The following PDHX variants were observed in gnomAD, a reference collection of about 807,000 sequenced individuals.
PDHX encodes the protein pyruvate dehydrogenase protein X component, mitochondrial.
PDHX carries 33 observed loss-of-function variants against 55.3 expected under a neutral mutation model. That is an observed-to-expected ratio of 0.60 (90% CI 0.45 to 0.80). The LOEUF is 0.80. Ranked by LOEUF, PDHX falls within the 30% of genes least tolerant of loss-of-function variation. The probability of loss-of-function intolerance (pLI) is 0.00; values close to 1 mark genes in which losing one functional copy is unlikely to be tolerated. For missense variants in PDHX, 622 were observed against 619.9 expected, an observed-to-expected ratio of 1.00 and a Z score of -0.04; for synonymous variants, 226 against 219.4, an observed-to-expected ratio of 1.03 and a Z score of -0.27.
chr11:34,936,996 C>G (rs138290815), intron 2 of PDHX, among the ~76,000 whole-genome samples: 111 of 152,070 alleles, frequency 7.3e-4, no homozygotes, highest in African/African-American at 2.5e-3. Context: ...ACCATGTTGG[C>G]TGGTCTCGAA....
intron 9 of PDHX, among the ~76,000 whole-genome samples, chr11:34,990,368 A>G (rs540314243): frequency 6.6e-6 from 1 of 152,342 alleles, no homozygotes; most frequent in African/African-American, 2.4e-5. Context: ...TTACAAATTT[A>G]TAAAACCAAC....
At chr11:34,916,319 CCGCACGGCTTTG>C, upstream of PDHX, 2 of 1,608,798 alleles carry the variant, frequency 1.2e-6, no homozygotes, top group Non-Finnish European at 1.7e-6. Context: ...CCTCCAATCT[CCGCACGGCTTTG>C]CGCGCGGCGC....
chr11:34,949,181 C>G (rs1037460017), intron 3 of PDHX, among the ~76,000 whole-genome samples: 1 of 152,168 alleles, frequency 6.6e-6, no homozygotes, highest in Non-Finnish European at 1.5e-5. Flanking sequence ...GGAGTCTCTT[C>G]ACAACAAGAT....
rs569800066 is a variant in PDHX at position 34,955,900 on chromosome 11, G to A, written c.343-1484G>A. On this transcript the variant is annotated intron_variant, in intron 3 of 10. Coordinates refer to ENST00000227868, the MANE Select transcript of PDHX (RefSeq NM_003477.3). ...CAGTTTTGAAAGGAATTAACATCAA[G>A]TGGACTTCATGTCACTTAACAGTGC... is the stretch of plus-strand genomic sequence containing the variant. Among the ~76,000 whole-genome samples the A allele has an allele frequency of 2.4e-4, 37 of 152,192 alleles. No homozygotes were observed. In the East Asian group the frequency reaches 7.1e-3, roughly 29 times the overall value.
chr11:34,950,095 A>AT (rs1304363833), intron 3 of PDHX, among the ~76,000 whole-genome samples: 1 of 152,022 alleles, frequency 6.6e-6, no homozygotes, highest in Non-Finnish European at 1.5e-5. Context: ...TAAAGAATAC[A>AT]TTTTTAAATA....
intron 9 of PDHX, among the ~76,000 whole-genome samples, chr11:34,988,558 CA>C (rs201687707): frequency 0.25 from 35,409 of 140,448 alleles, 4,276 homozygotes; most frequent in African/African-American, 0.34. Flanking sequence ...TGTTTTCTGT[CA>C]AAAAAAAAAA....
chr11:34,951,494 C>A (rs1490196864), intron 3 of PDHX, among the ~76,000 whole-genome samples: 9 of 152,132 alleles, frequency 5.9e-5, no homozygotes, highest in Non-Finnish European at 1.2e-4. Flanking sequence ...TAAATGTCTT[C>A]TTTTGAGAAG....
intron 10 of PDHX, among the ~76,000 whole-genome samples, chr11:34,994,569 G>A (rs1454333061): frequency 6.6e-6 from 1 of 152,206 alleles, no homozygotes; most frequent in Non-Finnish European, 1.5e-5. Flanking sequence ...CCACTAGGCA[G>A]CAGAAATTCC....
chr11:34,951,157 C>T (rs945043570), intron 3 of PDHX, among the ~76,000 whole-genome samples: 26 of 149,564 alleles, frequency 1.7e-4, no homozygotes, highest in Admixed American at 4.7e-4. Flanking sequence ...CCCGGGTTCA[C>T]GCCATTCTCC....
At position 34,970,201 on chromosome 11, in the gene PDHX, A is replaced by G. The variant is rs767547817; in HGVS notation, c.879A>G (p.Glu293=). 15 of 1,612,618 alleles carry G rather than the reference A, an allele frequency of 9.3e-6. No homozygotes were observed. The highest frequency in any genetic ancestry group is 1.3e-5 in the Non-Finnish European group (15 of 1,178,734). The stretch of plus-strand genomic sequence containing the variant: ...GAGTTATTGCCAAGAGATTAACTGA[A>G]TCTAAAAGTACTGTACCTCATGCAT... ...IRRVIAKRLT[E]SKSTVPHAYA... The change falls in exon 7 of 11, where the codon GAA becomes GAG. Residue 293 remains glutamate (E), a synonymous_variant. Coordinates refer to ENST00000227868, the MANE Select transcript of PDHX (RefSeq NM_003477.3).
chr11:34,982,931 G>A (rs1375246301), intron 8 of PDHX, among the ~76,000 whole-genome samples: 2 of 152,120 alleles, frequency 1.3e-5, no homozygotes, highest in African/African-American at 2.4e-5. Flanking sequence ...TATGAGGCCA[G>A]CATCATCCTG....
At chr11:34,989,178 G>C (rs758871287) in intron 9 of PDHX, among the ~76,000 whole-genome samples, 1 of 152,166 alleles carries the variant, frequency 6.6e-6, no homozygotes, top group Non-Finnish European at 1.5e-5. Flanking sequence ...ACAATGGTAC[G>C]TATTTGTGTG....
chr11:34,995,415 T>G lies in PDHX; in HGVS notation c.*243T>G. 2 of 474,644 alleles carry G rather than the reference T, an allele frequency of 4.2e-6. No homozygotes were observed. Among genetic ancestry groups the G allele is most frequent in the Admixed American group, 6.6e-5 (2 of 30,080 alleles). The allele number at this position is 474,644 out of a possible 1,614,324, so 29.4% of individuals were successfully genotyped here. A position where few individuals can be genotyped will look rare whatever the true frequency, so the allele number is the denominator to read the frequency against. ...GAATATTTGGTTACTCAGATCCATT[T>G]TTAACCTCTGGTGCTGTATAAAGGG... On this transcript the variant is annotated 3_prime_UTR_variant, in exon 11 of 11. Transcript: ENST00000227868.
upstream of PDHX, chr11:34,916,431 G>A (rs1425520695): frequency 2.0e-6 from 3 of 1,487,898 alleles, no homozygotes; most frequent in East Asian, 2.5e-5. Context: ...GGGGGCCGGG[G>A]TCTGGTAAGG....
chr11:34,977,813 TA>T (rs1248132690), intron 7 of PDHX: 1 of 475,478 alleles, frequency 2.1e-6, no homozygotes, highest in Non-Finnish European at 4.2e-6. Flanking sequence ...ACATAGGAGT[TA>T]GTTCTTTTTT....
chr11:34,928,220 A>G (rs1419928365), intron 1 of PDHX, among the ~76,000 whole-genome samples: 2 of 152,102 alleles, frequency 1.3e-5, no homozygotes, highest in African/African-American at 2.4e-5. Context: ...TTTGTCGTAA[A>G]TTGGAATCTG....
chr11:34,948,842 A>G (rs1403795943), intron 3 of PDHX, among the ~76,000 whole-genome samples: 1 of 152,216 alleles, frequency 6.6e-6, no homozygotes, highest in Admixed American at 6.5e-5. Flanking sequence ...ATTACCATGT[A>G]ATAAACCCAG....
chr11:34,947,027 T>G (rs1054610234), intron 2 of PDHX, among the ~76,000 whole-genome samples: 3 of 152,230 alleles, frequency 2.0e-5, no homozygotes, highest in African/African-American at 7.2e-5. Context: ...TTTTATGCTT[T>G]ATATGCTTTA....
chr11:34,986,818 CCCCAA>C (rs1053059248), intron 9 of PDHX, among the ~76,000 whole-genome samples: 3 of 152,112 alleles, frequency 2.0e-5, no homozygotes, highest in Admixed American at 2.0e-4. Context: ...TTCCTGTAAC[CCCCAA>C]CAGGGACTCA....
Sources: allele counts gnomAD v4.1 joint callset (sites outside exome capture counted in the v4.1 genomes callset), GRCh38; gene constraint gnomAD v4.1.1; transcripts MANE v1.5; gene names NCBI Gene and HGNC (gene_info 2026-07-23, HGNC 2026-07-21).